MACROD2: variants seen among roughly 807,000 people sequenced by gnomAD.
MACROD2 encodes the protein ADP-ribose glycohydrolase MACROD2.
MACROD2 carries 36 observed loss-of-function variants against 70.4 expected under a neutral mutation model. The ratio of observed to expected loss-of-function variants is 0.51; its 90% CI spans 0.39 to 0.68. The LOEUF (loss-of-function observed/expected upper bound fraction) is 0.68, where lower values mean the gene tolerates loss of function less well. Among genes scored for constraint, MACROD2 ranks in the 30% least tolerant of loss-of-function variants. The pLI, the probability that MACROD2 is intolerant of heterozygous loss-of-function variation, is 0.00. For synonymous variants in MACROD2, 172 were observed against 178.8 expected, an observed-to-expected ratio of 0.96 and a Z score of 0.30; for missense variants, 496 against 538.4, an observed-to-expected ratio of 0.92 and a Z score of 0.78.
At chr20:15,354,647 A>G (rs2078266226) in intron 6 of MACROD2, among the ~76,000 whole-genome samples, 1 of 150,266 alleles carries the variant, frequency 6.7e-6, no homozygotes, top group Admixed American at 6.7e-5. Context: ...GTAAATTTTA[A>G]AAAAGAAAAA....
At chr20:14,199,473 T>C (rs2081461260) in intron 3 of MACROD2, among the ~76,000 whole-genome samples, 1 of 152,208 alleles carries the variant, frequency 6.6e-6, no homozygotes. Context: ...CTTTTAGCCT[T>C]ATGACAGAGA....
chr20:15,138,115 C>G (rs6110527), intron 5 of MACROD2, among the ~76,000 whole-genome samples: 25,006 of 151,950 alleles, frequency 0.16, 2,980 homozygotes, highest in African/African-American at 0.33. Context: ...AATTTAGGAA[C>G]TCTATCAATT....
chr20:15,304,333 TC>T, intron 6 of MACROD2, among the ~76,000 whole-genome samples: 1 of 152,268 alleles, frequency 6.6e-6, no homozygotes, highest in South Asian at 2.1e-4. Context: ...TTTATTTGCT[TC>T]CCATACAGTA....
At chr20:15,755,510 C>T (rs529255849) in intron 8 of MACROD2, among the ~76,000 whole-genome samples, 7 of 152,238 alleles carry the variant, frequency 4.6e-5, no homozygotes, top group African/African-American at 9.6e-5. Context: ...CCCATATGCA[C>T]GTGCACTGGA....
chr20:15,807,638 T>G (rs2063781020), intron 8 of MACROD2, among the ~76,000 whole-genome samples: 1 of 152,178 alleles, frequency 6.6e-6, no homozygotes, highest in African/African-American at 2.4e-5. Context: ...TAATAATTTT[T>G]TATATTGATT....
At chr20:15,922,408 C>T (rs1004899057) in intron 10 of MACROD2, among the ~76,000 whole-genome samples, 18 of 152,290 alleles carry the variant, frequency 1.2e-4, no homozygotes, top group South Asian at 1.0e-3. Context: ...ATATGAAAAT[C>T]GTTCCTTAGA....
chr20:15,203,962 T>C (rs1323617768), intron 5 of MACROD2, among the ~76,000 whole-genome samples: 1 of 152,072 alleles, frequency 6.6e-6, no homozygotes, highest in Non-Finnish European at 1.5e-5. Flanking sequence ...TGTATGTGAG[T>C]GTGAATGGTA....
intron 8 of MACROD2, among the ~76,000 whole-genome samples, chr20:15,636,129 GA>G (rs10573928): frequency 1.4e-4 from 18 of 131,538 alleles, no homozygotes; most frequent in South Asian, 7.4e-4. Context: ...GGAAAAAGAG[GA>G]AAAAAAAAAG....
rs1157635694 is a variant in MACROD2 at position 14,437,643 on chromosome 20, CTCTT to C, written c.272-55835_272-55832del. ...AATATTTGTTATATGAATCTCTTCT[CTCTT>C]CGTCAATTTGTTAATTCTGTCTTCA... On this transcript the variant is annotated intron_variant, in intron 3 of 17. Coordinates refer to ENST00000684519, the MANE Select transcript of MACROD2 (RefSeq NM_001351661.2). 1.2e-4 allele frequency among the ~76,000 whole-genome samples: 19 copies of C among 152,184 alleles called. No homozygotes were observed. In the East Asian group the frequency reaches 3.5e-3, roughly 28 times the overall value.
intron 8 of MACROD2, among the ~76,000 whole-genome samples, chr20:15,617,108 CTGTTTT>C (rs1172505453): frequency 6.6e-6 from 1 of 152,182 alleles, no homozygotes; most frequent in Non-Finnish European, 1.5e-5. Flanking sequence ...CCCTGCTGCA[CTGTTTT>C]TATTTTGTTT....
At chr20:15,541,059 C>A (rs561078680) in intron 8 of MACROD2, among the ~76,000 whole-genome samples, 2 of 152,138 alleles carry the variant, frequency 1.3e-5, no homozygotes, top group Non-Finnish European at 2.9e-5. Context: ...TTTAGAGATA[C>A]AATTCAATCC....
intron 4 of MACROD2, among the ~76,000 whole-genome samples, chr20:14,660,649 G>A (rs1030275019): frequency 6.6e-5 from 10 of 152,018 alleles, no homozygotes; most frequent in Admixed American, 5.2e-4. Flanking sequence ...CCCAAGTAGC[G>A]AACATAGAAC....
chr20:14,473,095 A>G (rs1245725754), intron 3 of MACROD2, among the ~76,000 whole-genome samples: 1 of 152,202 alleles, frequency 6.6e-6, no homozygotes, highest in Non-Finnish European at 1.5e-5. Flanking sequence ...GTTTCAATAC[A>G]TGTATACAAT....
intron 5 of MACROD2, among the ~76,000 whole-genome samples, chr20:14,699,479 T>C (rs952299930): frequency 6.6e-6 from 1 of 152,202 alleles, no homozygotes; most frequent in Non-Finnish European, 1.5e-5. Flanking sequence ...ATCTATTTAT[T>C]ATTTTGTGTC....
intron 8 of MACROD2, among the ~76,000 whole-genome samples, chr20:15,571,942 G>T (rs912740614): frequency 5.3e-5 from 8 of 151,980 alleles, no homozygotes; most frequent in African/African-American, 1.5e-4. Context: ...TTTGACCACA[G>T]TTTTTTTCCC....
At chr20:14,017,744 G>T (rs2053014822) in intron 2 of MACROD2, among the ~76,000 whole-genome samples, 1 of 152,080 alleles carries the variant, frequency 6.6e-6, no homozygotes, top group Non-Finnish European at 1.5e-5. Flanking sequence ...ATTCATAAAG[G>T]ATATTGGTCT....
chr20:15,824,288 T>C lies in MACROD2; in HGVS notation c.646-38457T>C, dbSNP rs572220669. ...GCGTGTGTGTGTTTGTGTATGTGAA[T>C]GTGTGTGTTATTTTCTCAATTGCAA... On this transcript the variant is annotated intron_variant, in intron 8 of 17. Coordinates refer to ENST00000684519, the MANE Select transcript of MACROD2 (RefSeq NM_001351661.2). 2.0e-5 allele frequency among the ~76,000 whole-genome samples: 3 copies of C among 152,230 alleles called. No individual in the cohort carries two copies. The East Asian group carries it at 5.8e-4, about 29-fold the overall frequency.
intron 3 of MACROD2, among the ~76,000 whole-genome samples, chr20:14,091,928 C>T (rs1049512694): frequency 6.6e-6 from 1 of 152,050 alleles, no homozygotes; most frequent in African/African-American, 2.4e-5. Flanking sequence ...TATGACCATA[C>T]ATTTTTGTTT....
intron 5 of MACROD2, among the ~76,000 whole-genome samples, chr20:14,902,253 T>C (rs1277109464): frequency 6.6e-6 from 1 of 152,166 alleles, no homozygotes; most frequent in African/African-American, 2.4e-5. Flanking sequence ...TTTTCAAAAT[T>C]CGCGGTGAAG....
Sources: allele counts gnomAD v4.1 joint callset (sites outside exome capture counted in the v4.1 genomes callset), GRCh38; gene constraint gnomAD v4.1.1; transcripts MANE v1.5; gene names NCBI Gene and HGNC (gene_info 2026-07-23, HGNC 2026-07-21).